Variants in KRT17 observed in about 807,000 individuals in gnomAD.
KRT17 encodes keratin, type I cytoskeletal 17.
A neutral mutation model predicts 45.6 loss-of-function variants in KRT17; 29 were observed. The ratio of observed to expected loss-of-function variants is 0.64; its 90% CI spans 0.47 to 0.87. KRT17 has a LOEUF of 0.87. Ranked by LOEUF, KRT17 falls within the 40% of genes least tolerant of loss-of-function variation. KRT17 has a pLI of 0.00. For synonymous variants in KRT17, 219 were observed against 234.6 expected (o/e 0.93, Z 0.61); for missense variants, 536 against 577.8 (o/e 0.93, Z 0.74).
chr17:41,622,908 G>A (rs9916519), intron 2 of KRT17, 42 bp downstream of exon 2: 20 of 1,544,154 alleles, frequency 1.3e-5, no homozygotes, highest in South Asian at 8.9e-5. Flanking sequence ...GAGATCCTCC[G>A]CCAGCTGGCC....
Position 41,621,611 on chromosome 17 carries a change from C to T in KRT17, c.816G>A (p.Glu272=), listed in dbSNP as rs1908544504. Reference sequence around the variant, plus strand: ...CCCCCACCTTGCTGAAGAACCAATCCTCGGCATCCTTGCGGTTCTTCTCTG... The same window carrying T: ...CCCCCACCTTGCTGAAGAACCAATCTTCGGCATCCTTGCGGTTCTTCTCTG... The part of the protein sequence containing the change: ...KMAEKNRKDA[E]DWFFSKTEEL... Residue 272 remains glutamate (E), a synonymous_variant, in exon 4 of 8, where the codon GAG becomes GAA. Coordinates refer to ENST00000311208, the MANE Select transcript of KRT17 (RefSeq NM_000422.3). 3.1e-6 allele frequency: 5 copies of T among 1,611,974 alleles called. No homozygotes were observed. Among genetic ancestry groups the T allele is most frequent in the African/African-American group, 2.7e-5 (2 of 74,860 alleles).
chr17:41,623,175 G>A (rs1329961273), intron 1 of KRT17, 143 bp from the exon 2 acceptor site: 4 of 687,978 alleles, frequency 5.8e-6, no homozygotes, highest in South Asian at 3.2e-5. Flanking sequence ...GCAGAGGAGG[G>A]GCAAACAGGA....
intron 1 of KRT17, 170 bp from the exon 2 acceptor site, chr17:41,623,202 G>A (rs1159783283): frequency 1.6e-6 from 1 of 623,182 alleles, no homozygotes; most frequent in East Asian, 3.0e-5. Context: ...AGGGCTGAAA[G>A]GTGCCTCTTC....
chr17:41,620,486 G>C (rs1908497825), intron 7 of KRT17, 50 bp downstream of exon 7: 10 of 1,611,682 alleles, frequency 6.2e-6, no homozygotes, highest in South Asian at 3.3e-5. Context: ...CAGGTGGGCT[G>C]CCTGTCCCAT....
intron 5 of KRT17, 39 bp from the exon 6 acceptor site, chr17:41,620,918 G>A: frequency 6.2e-7 from 1 of 1,614,054 alleles, no homozygotes. Flanking sequence ...AGTGAGGATG[G>A]TCAATGCCCT....
intron 2 of KRT17, 120 bp downstream of exon 2, chr17:41,622,830 G>T (rs1020074193): frequency 2.3e-6 from 2 of 884,484 alleles, no homozygotes; most frequent in East Asian, 2.4e-5. Flanking sequence ...TCCTAGGACT[G>T]CCCCACCCTG....
At position 41,621,770 on chromosome 17, in the gene KRT17, A is replaced by T. The variant is rs1908552475; in HGVS notation, c.673-16T>A. ...CGTTCATCTCCTATGGAAAAAGGGG[A>T]TGTGGATGTGCGCATCTGGACCCAT... is the stretch of plus-strand genomic sequence containing the variant. On this transcript the variant is annotated splice_polypyrimidine_tract_variant and intron_variant, in intron 3 of 7. Coordinates refer to ENST00000311208, the MANE Select transcript of KRT17 (RefSeq NM_000422.3). The T allele has an allele frequency of 1.9e-6, 3 of 1,611,920 alleles. No homozygotes were observed. Among genetic ancestry groups the T allele is most frequent in the Middle Eastern group, 2.3e-4 (1 of 4,432 alleles).
intron 3 of KRT17, 79 bp downstream of exon 3, chr17:41,622,276 C>A: frequency 1.3e-6 from 2 of 1,572,280 alleles, no homozygotes. Context: ...CTCTCTCCCA[C>A]GGCCTCAGCC....
At position 41,620,972 on chromosome 17, in the gene KRT17, G is replaced by T. The variant is rs1257026726; in HGVS notation, c.954C>A (p.Leu318=). The T allele has an allele frequency of 1.2e-6, 2 of 1,614,066 alleles. No individual in the cohort carries two copies. The highest frequency in any genetic ancestry group is 2.7e-5 in the African/African-American group (2 of 74,926). ...QALEIELQSQ[L]SMKASLEGNL... Reference sequence around the variant, plus strand: ...TGCACAGGACTGTTCCTACCATGCTGAGCTGGGACTGCAGCTCTATCTCCA... The same window carrying T: ...TGCACAGGACTGTTCCTACCATGCTTAGCTGGGACTGCAGCTCTATCTCCA... Residue 318 remains leucine, a synonymous_variant, in exon 5 of 8, where the codon CTC becomes CTA. Transcript: ENST00000311208.
At position 41,621,688 on chromosome 17, in the gene KRT17, C is replaced by T. The variant is rs141092585; in HGVS notation, c.739G>A (p.Val247Met). The change falls in exon 4 of 8, where the codon GTG becomes ATG. Residue 247 changes from valine to methionine, a missense_variant. Coordinates refer to ENST00000311208, the MANE Select transcript of KRT17 (RefSeq NM_000422.3). ...INVEMDAAPG[V>M]DLSRILNEMR... Reference sequence around the variant, plus strand: ...TCGTTGAGGATGCGGCTCAGGTCCACGCCTGGGGCAGCGTCCATCTCCACA... The same window carrying T: ...TCGTTGAGGATGCGGCTCAGGTCCATGCCTGGGGCAGCGTCCATCTCCACA... The T allele has an allele frequency of 2.5e-5, 41 of 1,612,168 alleles. No homozygotes were observed. The African/African-American group carries it at 2.8e-4, about 11-fold the overall frequency.
chr17:41,623,519 C>T (rs914276115), intron 1 of KRT17, among the ~76,000 whole-genome samples: 6 of 152,138 alleles, frequency 3.9e-5, no homozygotes, highest in Admixed American at 6.5e-5. Context: ...CCAGCAGCCC[C>T]GCCCCCTGGG....
In KRT17 at chr17:41,620,958, G is replaced by A; in HGVS notation, c.960+8C>T. Reference sequence around the variant, plus strand: ...TGGGCCCTCCCCCATGCACAGGACTGTTCCTACCATGCTGAGCTGGGACTG... The same window carrying A: ...TGGGCCCTCCCCCATGCACAGGACTATTCCTACCATGCTGAGCTGGGACTG... On this transcript the variant is annotated splice_region_variant and intron_variant, in intron 5 of 7. Coordinates refer to ENST00000311208, the MANE Select transcript of KRT17 (RefSeq NM_000422.3). 2 of 1,614,158 alleles carry A rather than the reference G, an allele frequency of 1.2e-6. No individual in the cohort carries two copies. Among genetic ancestry groups the A allele is most frequent in the Middle Eastern group, 1.6e-4 (1 of 6,062 alleles).
chr17:41,620,502 C>G, intron 7 of KRT17, 34 bp downstream of exon 7: 2 of 1,611,950 alleles, frequency 1.2e-6, no homozygotes, highest in Non-Finnish European at 8.5e-7. Flanking sequence ...CCCATGCACC[C>G]AACCCCCAGG....
intron 1 of KRT17, 32 bp downstream of exon 1, chr17:41,624,046 C>G: frequency 6.2e-7 from 1 of 1,611,894 alleles, no homozygotes; most frequent in Non-Finnish European, 8.5e-7. Context: ...AAGTCATGCC[C>G]CCCGGAGACC....
rs1451677193 is a variant in KRT17, at chr17:41,620,741, A to G, written c.1099T>C (p.Tyr367His). The change falls in exon 6 of 8, where the codon TAC becomes CAC. Residue 367 changes from tyrosine to histidine, a missense_variant. Coordinates refer to ENST00000311208, the MANE Select transcript of KRT17 (RefSeq NM_000422.3). ...RCEMEQQNQE[Y>H]KILLDVKTRL... Reference sequence around the variant, plus strand: ...GTCTTCACATCCAGCAGGATTTTGTATTCCTGGTTCTGCTGCTCCATCTCG... The same window carrying G: ...GTCTTCACATCCAGCAGGATTTTGTGTTCCTGGTTCTGCTGCTCCATCTCG... 2 of 1,612,356 alleles carry G rather than the reference A, an allele frequency of 1.2e-6. No homozygotes were observed. The highest frequency in any genetic ancestry group is 4.5e-5 in the East Asian group (2 of 44,868).
rs1388764843 is a variant in KRT17, at chr17:41,621,832, G to T, written c.673-78C>A. The T allele has an allele frequency of 2.0e-5, 31 of 1,559,644 alleles. No homozygotes were observed. In the East Asian group the frequency reaches 6.5e-4, roughly 33 times the overall value. On this transcript the variant is annotated intron_variant, in intron 3 of 7. Coordinates refer to ENST00000311208, the MANE Select transcript of KRT17 (RefSeq NM_000422.3). The stretch of plus-strand genomic sequence containing the variant: ...ACTCCCAAGCCTTCCCCCACAAGGG[G>T]ACCCCACTTCCCACAAGGACCCCTC...
intron 1 of KRT17, among the ~76,000 whole-genome samples, chr17:41,623,562 G>A (rs921086652): frequency 2.5e-4 from 38 of 152,272 alleles, no homozygotes; most frequent in African/African-American, 8.9e-4. Context: ...GACAGCAGGA[G>A]GAAAGGAGAA....
Position 41,619,463 on chromosome 17 carries a change from T to C in KRT17, c.*131A>G. On this transcript the variant is annotated 3_prime_UTR_variant, in exon 8 of 8. Transcript: ENST00000311208. The stretch of plus-strand genomic sequence containing the variant: ...TTCATAGCTGAGTCAACAAGCTTTA[T>C]TGTCATCAGGCAAGGAAGCATGGGG... 1 of 1,529,864 alleles carries C rather than the reference T, an allele frequency of 6.5e-7. No homozygotes were observed. Among genetic ancestry groups the C allele is most frequent in the Non-Finnish European group, 8.9e-7 (1 of 1,118,280 alleles). 94.8% of individuals were successfully genotyped at this position (1,529,864 alleles called of 1,614,324 possible).
chr17:41,621,609 T>A lies in KRT17; in HGVS notation c.818A>T (p.Asp273Val). Residue 273 changes from aspartate to valine, a missense_variant, in exon 4 of 8, where the codon GAT (aspartate) becomes GTT (valine). Asp to Val is a radical substitution (Grantham distance 152). Transcript: ENST00000311208. Reference protein sequence around the residue: ...MAEKNRKDAEDWFFSKTEELN... With the variant: ...MAEKNRKDAEVWFFSKTEELN... ...ACCCCCCACCTTGCTGAAGAACCAA[T>A]CCTCGGCATCCTTGCGGTTCTTCTC... 1 of 1,612,064 alleles carries A rather than the reference T, an allele frequency of 6.2e-7. No individual in the cohort carries two copies. Among genetic ancestry groups the A allele is most frequent in the Non-Finnish European group, 8.5e-7 (1 of 1,179,850 alleles).
Sources: allele counts gnomAD v4.1 joint callset (sites outside exome capture counted in the v4.1 genomes callset), GRCh38; gene constraint gnomAD v4.1.1; transcripts MANE v1.5; gene names NCBI Gene and HGNC (gene_info 2026-07-23, HGNC 2026-07-21).